Variants in ALOX12B observed in about 807,000 individuals in gnomAD.
The protein encoded by ALOX12B is arachidonate 12-lipoxygenase, 12R-type.
In ALOX12B, 47 loss-of-function variants were observed where a neutral mutation model predicts 78.9. The ratio of observed to expected loss-of-function variants is 0.60; its 90% CI spans 0.47 to 0.76. The LOEUF (loss-of-function observed/expected upper bound fraction) is 0.76. Among genes scored for constraint, ALOX12B ranks in the 30% least tolerant of loss-of-function variants. The pLI, the probability that ALOX12B is intolerant of heterozygous loss-of-function variation, is 0.00. For missense variants in ALOX12B, 805 were observed against 922.6 expected (o/e 0.87, Z 1.65); for synonymous variants, 370 against 374.5 (o/e 0.99, Z 0.14).
At chr17:8,077,255 A>G in intron 8 of ALOX12B, 62 bp from the exon 9 acceptor site, 2 of 1,506,756 alleles carry the variant, frequency 1.3e-6, no homozygotes, top group Non-Finnish European at 1.8e-6. Flanking sequence ...TAAAGGCCCC[A>G]CCGCAGGAAG....
rs370446978 is a variant in ALOX12B at position 8,073,723 on chromosome 17, C to T, written c.1689G>A (p.Leu563=). 2 of 1,613,804 alleles carry T rather than the reference C, an allele frequency of 1.2e-6. No individual in the cohort carries two copies. Among genetic ancestry groups the T allele is most frequent in the African/African-American group, 1.3e-5 (1 of 74,828 alleles). Residue 563 remains leucine, a synonymous_variant, in exon 13 of 15, where the codon CTG becomes CTA. Transcript: ENST00000647874. The part of the protein sequence containing the change: ...FPRCLRTVPE[L]IRYVTIVIYT... ...AGATGACTATAGTGACATATCGGAT[C>T]AGCTCAGGCACGGTTCGCAAGCACC...
At chr17:8,073,106 G>A in intron 14 of ALOX12B, 42 bp downstream of exon 14, 1 of 1,613,070 alleles carries the variant, frequency 6.2e-7, no homozygotes, top group Middle Eastern at 1.7e-4. Context: ...CCCGGCTTCT[G>A]GTCCCCTCCC....
intron 8 of ALOX12B, among the ~76,000 whole-genome samples, chr17:8,078,220 A>T (rs188810996): frequency 2.4e-4 from 37 of 151,374 alleles, no homozygotes; most frequent in Admixed American, 4.6e-4. Context: ...ATCTCTGCTC[A>T]CTGCAACCTC....
At chr17:8,081,744 G>T (rs559083514) in intron 2 of ALOX12B, among the ~76,000 whole-genome samples, 7 of 152,182 alleles carry the variant, frequency 4.6e-5, no homozygotes, top group Non-Finnish European at 8.8e-5. Flanking sequence ...CTGGGTTCAA[G>T]CGATTCTGCT....
At position 8,079,358 on chromosome 17, in the gene ALOX12B, CAG is replaced by C. The variant is rs1977155942; in HGVS notation, c.1071+36_1071+37del. On this transcript the variant is annotated intron_variant, in intron 8 of 14. Coordinates refer to ENST00000647874, the MANE Select transcript of ALOX12B (RefSeq NM_001139.3). The surrounding 1 kb of genome is among the most constrained non-coding windows in gnomAD (Gnocchi z 6.4). ...ACACTCGGAGGAGCATTCGCGCACA[CAG>C]AGGCTCAGCGGCAGCGCCGCCTGCA... The C allele has an allele frequency of 6.5e-7, 1 of 1,549,808 alleles. No homozygotes were observed. Among genetic ancestry groups the C allele is most frequent in the African/African-American group, 1.4e-5 (1 of 73,222 alleles).
chr17:8,079,803 A>ATGCTT lies in ALOX12B; in HGVS notation c.892_893insAAGCA (p.Leu298GlnfsTer56). 1 of 1,613,262 alleles carries ATGCTT rather than the reference A, an allele frequency of 6.2e-7. No homozygotes were observed. On this transcript the variant is annotated frameshift_variant, in exon 7 of 15. Coordinates refer to ENST00000647874, the MANE Select transcript of ALOX12B (RefSeq NM_001139.3). LOFTEE classifies it high-confidence loss of function. The surrounding 1 kb of genome is among the most constrained non-coding windows in gnomAD (Gnocchi z 6.4). The stretch of plus-strand genomic sequence containing the variant: ...CGCTTGCAAGCACGTTCCCTCGCCC[A>ATGCTT]GGAACGGAGCCACCATGTCGTCTGT...
chr17:8,072,878 G>C lies in ALOX12B; in HGVS notation c.1999C>G (p.Gln667Glu). 1 of 1,614,192 alleles carries C rather than the reference G, an allele frequency of 6.2e-7. No homozygotes were observed. Among genetic ancestry groups the C allele is most frequent in the Non-Finnish European group, 8.5e-7 (1 of 1,180,032 alleles). ...APRRSIEAFR[Q>E]RLNQISHDIR... ...TCGTGTGAGATCTGGTTCAGGCGCTGGCGGAACGCCTCTATGCTCCTCCGC... is the reference window on the plus strand; with the variant it reads ...TCGTGTGAGATCTGGTTCAGGCGCTCGCGGAACGCCTCTATGCTCCTCCGC... The change falls in exon 15 of 15, where the codon CAG (glutamine) becomes GAG (glutamate). Residue 667 changes from glutamine to glutamate, a missense_variant. By Grantham distance (29) the Gln-to-Glu change is conservative. Transcript: ENST00000647874.
In ALOX12B at chr17:8,073,678, G is replaced by A; in HGVS notation, c.1734C>T (p.His578=). The A allele has an allele frequency of 6.2e-7, 1 of 1,614,160 alleles. No homozygotes were observed. Among genetic ancestry groups the A allele is most frequent in the Non-Finnish European group, 8.5e-7 (1 of 1,179,984 alleles). ...TIVIYTCSAK[H]AAVNTGQMEF... is the part of the protein sequence containing the mutation. ...GTACCTGGCCTGTGTTGACAGCAGC[G>A]TGCTTGGCAGAGCAGGTGTAGATGA... is the stretch of plus-strand genomic sequence containing the variant. The change falls in exon 13 of 15, where the codon CAC becomes CAT. Residue 578 remains histidine (H), a synonymous_variant. Coordinates refer to ENST00000647874, the MANE Select transcript of ALOX12B (RefSeq NM_001139.3).
At chr17:8,081,335 G>A in intron 2 of ALOX12B, 148 bp from the exon 3 acceptor site, 5 of 759,302 alleles carry the variant, frequency 6.6e-6, no homozygotes, top group South Asian at 5.9e-5. Flanking sequence ...GAGTGAAGGT[G>A]CGTCCTGTCC....
At chr17:8,077,229 C>A (rs1414337552) in intron 8 of ALOX12B, 36 bp from the exon 9 acceptor site, 41 of 1,574,260 alleles carry the variant, frequency 2.6e-5, no homozygotes, top group Non-Finnish European at 3.0e-5. Context: ...TGGGTGAGGG[C>A]AGAGACCCAC....
Position 8,074,572 on chromosome 17 carries a change from T to A in ALOX12B, c.1655-815A>T, listed in dbSNP as rs185119585. 1.1e-3 allele frequency among the ~76,000 whole-genome samples: 167 copies of A among 152,100 alleles called. 1 individual carries two copies. Among genetic ancestry groups the A allele is most frequent in the African/African-American group, 3.7e-3 (155 of 41,476 alleles). ...GCTCTTACCCTAGTCAGGTCCCCAG[T>A]CTTCCCTCCTGGACACCACAACAGC... is the stretch of plus-strand genomic sequence containing the variant. On this transcript the variant is annotated intron_variant, in intron 12 of 14. Transcript: ENST00000647874.
In ALOX12B at chr17:8,076,352, G is replaced by T. The variant is rs1320514651; in HGVS notation, c.1363-8C>A. The T allele has an allele frequency of 2.5e-6, 4 of 1,591,902 alleles. No individual in the cohort carries two copies. In the East Asian group the frequency reaches 9.1e-5, roughly 36 times the overall value. ...CACGCCCAGGGACATGCCCTGTGAG[G>T]AAGGAGGCAGATCCTGGAGCCGGAC... On this transcript the variant is annotated splice_region_variant and splice_polypyrimidine_tract_variant and intron_variant, in intron 10 of 14. Transcript: ENST00000647874.
rs1158533007 is a variant in ALOX12B at position 8,073,640 on chromosome 17, G to A, written c.1755+17C>T. The A allele has an allele frequency of 6.2e-7, 1 of 1,610,136 alleles. No homozygotes were observed. Among genetic ancestry groups the A allele is most frequent in the Admixed American group, 1.7e-5 (1 of 59,984 alleles). ...CTGAGCCTCGGGCTGGGCCTGGGTT[G>A]GTGAGACCACCGGTACCTGGCCTGT... is the stretch of plus-strand genomic sequence containing the variant. On this transcript the variant is annotated intron_variant, in intron 13 of 14. Coordinates refer to ENST00000647874, the MANE Select transcript of ALOX12B (RefSeq NM_001139.3).
chr17:8,076,660 G>C lies in ALOX12B; in HGVS notation c.1359C>G (p.Ala453=). Residue 453 remains alanine (A), a synonymous_variant, in exon 10 of 15, where the codon GCC becomes GCG. Coordinates refer to ENST00000647874, the MANE Select transcript of ALOX12B (RefSeq NM_001139.3). The part of the protein sequence containing the change: ...AVLLNEGGLS[A]KGMSLGVEGF... ...GGGTTGGGGGCAGAAGTCTTACCTT[G>C]GCAGAGAGCCCCCCCTCATTGAGGA... 1 of 1,551,336 alleles carries C rather than the reference G, an allele frequency of 6.4e-7. No individual in the cohort carries two copies. The highest frequency in any genetic ancestry group is 8.7e-7 in the Non-Finnish European group (1 of 1,146,860).
chr17:8,076,389 G>A, intron 10 of ALOX12B, 45 bp from the exon 11 acceptor site: 2 of 1,555,578 alleles, frequency 1.3e-6, no homozygotes, highest in East Asian at 2.4e-5. Context: ...GGCATCCCTG[G>A]AACCCCTTCA....
At chr17:8,075,371 A>G (rs1178118916) in intron 12 of ALOX12B, among the ~76,000 whole-genome samples, 1 of 152,178 alleles carries the variant, frequency 6.6e-6, no homozygotes, top group Non-Finnish European at 1.5e-5. Flanking sequence ...CTAATCTCAG[A>G]CAGGGACCCA....
Position 8,086,168 on chromosome 17 carries a change from A to G in ALOX12B, c.200T>C (p.Ile67Thr), listed in dbSNP as rs1190708240. 8 of 1,614,000 alleles carry G rather than the reference A, an allele frequency of 5.0e-6. No homozygotes were observed. The highest frequency in any genetic ancestry group is 6.8e-6 in the Non-Finnish European group (8 of 1,180,008). ...GGCGTACCGCTCTTTGTGCAGGCGG[A>G]TGATGATGAGCTCACCCAGGTCCTG... Reference protein sequence around the residue: ...CPQDLGELIIIRLHKERYAFF... With the variant: ...CPQDLGELIITRLHKERYAFF... Residue 67 changes from isoleucine (I) to threonine (T), a missense_variant, in exon 2 of 15, where the codon ATC (isoleucine) becomes ACC (threonine). Ile to Thr is a moderately conservative substitution (Grantham distance 89). Coordinates refer to ENST00000647874, the MANE Select transcript of ALOX12B (RefSeq NM_001139.3).
intron 13 of ALOX12B, 66 bp downstream of exon 13, chr17:8,073,591 G>A: frequency 7.0e-7 from 1 of 1,437,936 alleles, no homozygotes; most frequent in Admixed American, 1.7e-5. Context: ...TTTGAGGTTG[G>A]GGCATGGACG....
At chr17:8,076,938 G>A (rs1329408359) in intron 9 of ALOX12B, 52 bp downstream of exon 9, 2 of 1,578,958 alleles carry the variant, frequency 1.3e-6, no homozygotes, top group Non-Finnish European at 1.7e-6. Context: ...GTTTTCGGAG[G>A]CCAGGTGAGG....
Sources: allele counts gnomAD v4.1 joint callset (sites outside exome capture counted in the v4.1 genomes callset), GRCh38; gene constraint gnomAD v4.1.1; non-coding constraint Gnocchi (gnomAD v3.1); transcripts MANE v1.5; gene names NCBI Gene and HGNC (gene_info 2026-07-23, HGNC 2026-07-21).